Variants in GOLGA1 observed in about 807,000 individuals in gnomAD.
The protein encoded by GOLGA1 is golgin A1.
GOLGA1 carries 63 observed loss-of-function variants against 119.7 expected under a neutral mutation model. That is an observed-to-expected ratio of 0.53 (90% CI 0.43 to 0.65). The LOEUF is 0.65. Among genes scored for constraint, GOLGA1 ranks in the 30% least tolerant of loss-of-function variants. The pLI is 0.00. For missense variants in GOLGA1, 798 were observed against 912.8 expected (o/e 0.87, Z 1.62); for synonymous variants, 318 against 333.4 (o/e 0.95, Z 0.50).
intron 7 of GOLGA1, among the ~76,000 whole-genome samples, chr9:124,924,961 T>C (rs1183919839): frequency 6.6e-6 from 1 of 151,858 alleles, no homozygotes; most frequent in Non-Finnish European, 1.5e-5. Flanking sequence ...GTGCCTGTAG[T>C]CCCAGCTACT....
At chr9:124,942,643 A>G (rs1352779506), upstream of GOLGA1, 1 of 152,210 alleles carries the variant, frequency 6.6e-6, no homozygotes, top group Non-Finnish European at 1.5e-5. Context: ...TATTGATGAT[A>G]CACTTAATAT....
intron 1 of GOLGA1, chr9:124,947,490 T>C (rs941849008): frequency 1.3e-5 from 2 of 152,168 alleles, no homozygotes; most frequent in Non-Finnish European, 1.5e-5. Flanking sequence ...TAGAGGCTTA[T>C]GAATGAGATA....
chr9:124,917,124 A>G (rs1400370247), intron 10 of GOLGA1, among the ~76,000 whole-genome samples: 1 of 152,134 alleles, frequency 6.6e-6, no homozygotes. Flanking sequence ...TAGTTTAGGG[A>G]TAAAACTGAC....
At chr9:124,931,269 C>T (rs753604122) in intron 4 of GOLGA1, 47 bp downstream of exon 4, 2 of 870,222 alleles carry the variant, frequency 2.3e-6, no homozygotes, top group Non-Finnish European at 2.0e-6. Context: ...GAGAGTCAAG[C>T]AAGGCAAGTT....
chr9:124,900,971 T>C (rs1238640198), intron 12 of GOLGA1, among the ~76,000 whole-genome samples: 1 of 115,276 alleles, frequency 8.7e-6, no homozygotes, highest in Non-Finnish European at 1.9e-5. Context: ...TCACACAGTA[T>C]TTTTTTTTTT....
chr9:124,943,533 A>G (rs1353185986), upstream of GOLGA1: 1 of 152,242 alleles, frequency 6.6e-6, no homozygotes, highest in Non-Finnish European at 1.5e-5. Context: ...ATATAACTCT[A>G]TAATCCCTAT....
chr9:124,945,246 T>C (rs897205991), upstream of GOLGA1: 6 of 152,218 alleles, frequency 3.9e-5, no homozygotes, highest in Non-Finnish European at 5.9e-5. Flanking sequence ...TAAAGTAGTC[T>C]GATAACTATT....
chr9:124,938,758 C>T lies in GOLGA1; in HGVS notation c.-47G>A, dbSNP rs1162990596. 4 of 1,552,656 alleles carry T rather than the reference C, an allele frequency of 2.6e-6. No individual in the cohort carries two copies. The highest frequency in any genetic ancestry group is 3.5e-6 in the Non-Finnish European group (4 of 1,144,798). On this transcript the variant is annotated 5_prime_UTR_variant, in exon 3 of 23. Transcript: ENST00000373555. Reference sequence around the variant, plus strand: ...CACAGATGACGAGCTCTCAGTAGTCCTGGTGCCTGTGTTCAGGATTCAGAC... The same window carrying T: ...CACAGATGACGAGCTCTCAGTAGTCTTGGTGCCTGTGTTCAGGATTCAGAC...
At chr9:124,905,290 C>T (rs541693069) in intron 12 of GOLGA1, among the ~76,000 whole-genome samples, 2 of 151,878 alleles carry the variant, frequency 1.3e-5, no homozygotes, top group African/African-American at 4.8e-5. Flanking sequence ...AGTGAAACCC[C>T]GTCTCTACTA....
rs118070992 is a variant in GOLGA1 at position 124,884,034 on chromosome 9, C to T, written c.1906-1465G>A. Reference sequence around the variant, plus strand: ...AAAAAAAATTTTTTTTTTTTTGAGACGGAGTCTTACCCTGTCCCTGAGGCT... The same window carrying T: ...AAAAAAAATTTTTTTTTTTTTGAGATGGAGTCTTACCCTGTCCCTGAGGCT... On this transcript the variant is annotated intron_variant, in intron 19 of 22. Coordinates refer to ENST00000373555, the MANE Select transcript of GOLGA1 (RefSeq NM_002077.4). Among the ~76,000 whole-genome samples, 509 of 151,188 alleles carry T rather than the reference C, an allele frequency of 3.4e-3. 5 individuals carry two copies. The highest frequency in any genetic ancestry group is 6.8e-3 in the Middle Eastern group (2 of 292).
chr9:124,927,478 C>G (rs1830696496), intron 6 of GOLGA1, among the ~76,000 whole-genome samples: 1 of 152,100 alleles, frequency 6.6e-6, no homozygotes, highest in South Asian at 2.1e-4. Flanking sequence ...TTAAAACCAA[C>G]CAACCAACCC....
At chr9:124,939,283 T>C (rs1469351929) in intron 2 of GOLGA1, among the ~76,000 whole-genome samples, 1 of 151,952 alleles carries the variant, frequency 6.6e-6, no homozygotes, top group East Asian at 1.9e-4. Flanking sequence ...TTTAGTGTTC[T>C]TTAAGTTGAA....
intron 19 of GOLGA1, 80 bp from the exon 20 acceptor site, chr9:124,882,649 G>A: frequency 2.6e-6 from 3 of 1,146,122 alleles, no homozygotes; most frequent in Non-Finnish European, 3.9e-6. Flanking sequence ...AGATCCCACG[G>A]GATCCCCTGT....
chr9:124,941,976 G>C (rs931012221), upstream of GOLGA1, among the ~76,000 whole-genome samples: 43 of 152,102 alleles, frequency 2.8e-4, no homozygotes, highest in African/African-American at 1.0e-3. Flanking sequence ...AAACTATCTT[G>C]TTCCAAGTCA....
At chr9:124,937,037 C>G (rs1277131189) in intron 3 of GOLGA1, among the ~76,000 whole-genome samples, 1 of 152,088 alleles carries the variant, frequency 6.6e-6, no homozygotes, top group Non-Finnish European at 1.5e-5. Flanking sequence ...ATATAAGTGG[C>G]TTAACAGAAT....
chr9:124,884,613 G>A (rs936970363), intron 19 of GOLGA1, among the ~76,000 whole-genome samples: 3 of 152,268 alleles, frequency 2.0e-5, no homozygotes, highest in African/African-American at 7.2e-5. Context: ...TAGAATGACT[G>A]AGTCAGAAGA....
chr9:124,880,791 G>A (rs1408796963), intron 22 of GOLGA1, among the ~76,000 whole-genome samples, 181 bp from the exon 23 acceptor site: 2 of 152,220 alleles, frequency 1.3e-5, no homozygotes, highest in Admixed American at 1.3e-4. Context: ...CTCAGTACAG[G>A]AGGGAAATGA....
At chr9:124,889,637 C>G (rs1399290297) in intron 16 of GOLGA1, 101 bp from the exon 17 acceptor site, 6 of 827,192 alleles carry the variant, frequency 7.3e-6, no homozygotes, top group Non-Finnish European at 1.3e-5. Flanking sequence ...CCACGAATCC[C>G]TCCCTGAAGT....
chr9:124,929,222 G>T lies in GOLGA1; in HGVS notation c.295C>A (p.Gln99Lys). 2 of 1,583,176 alleles carry T rather than the reference G, an allele frequency of 1.3e-6. No homozygotes were observed. Among genetic ancestry groups the T allele is most frequent in the Non-Finnish European group, 1.7e-6 (2 of 1,152,030 alleles). ...EKLEIALEKH[Q>K]DSSMRKFQEQ... The stretch of plus-strand genomic sequence containing the variant: ...GCAGGAAAAAAATACGTACAATCCT[G>T]GTGTTTTTCTAATGCAATTTCAAGC... Residue 99 changes from glutamine to lysine, a missense_variant, in exon 5 of 23, where the codon CAG (glutamine) becomes AAG (lysine). Transcript: ENST00000373555.
Sources: gnomAD v4.1 joint callset for allele counts (sites outside exome capture counted in the v4.1 genomes callset) on GRCh38, gnomAD v4.1.1 for gene constraint, MANE v1.5 for transcripts, NCBI Gene and HGNC (gene_info 2026-07-23, HGNC 2026-07-21) for gene names.